The following AGTPBP1 variants were observed in gnomAD, a reference collection of about 807,000 sequenced individuals.
AGTPBP1 encodes cytosolic carboxypeptidase 1.
A neutral mutation model predicts 143.9 loss-of-function variants in AGTPBP1; 70 were observed. That is an observed-to-expected ratio of 0.49 (90% CI 0.40 to 0.59). The LOEUF (loss-of-function observed/expected upper bound fraction) is 0.59. Ranked by LOEUF, AGTPBP1 falls within the 20% of genes least tolerant of loss-of-function variation. AGTPBP1 has a pLI of 0.00. For synonymous variants in AGTPBP1, 463 were observed against 500.2 expected (o/e 0.93, Z 0.99); for missense variants, 1,229 against 1,464.5 (o/e 0.84, Z 2.62).
At chr9:85,654,669 C>A (rs911815388) in intron 11 of AGTPBP1, among the ~76,000 whole-genome samples, 1 of 151,772 alleles carries the variant, frequency 6.6e-6, no homozygotes, top group African/African-American at 2.4e-5. Context: ...ATGGCGAAAA[C>A]CCATCTCTAC....
intron 17 of AGTPBP1, 137 bp downstream of exon 17, chr9:85,618,843 CATA>C: frequency 1.1e-6 from 1 of 890,290 alleles, no homozygotes; most frequent in Non-Finnish European, 1.6e-6. Context: ...TCAAATGTTG[CATA>C]ATATCTGAAT....
At chr9:85,689,712 T>C (rs373170694) in intron 3 of AGTPBP1, among the ~76,000 whole-genome samples, 60 of 151,502 alleles carry the variant, frequency 4.0e-4, no homozygotes, top group African/African-American at 1.4e-3. Context: ...CTGGCCAACA[T>C]GGTGAAATTC....
At chr9:85,771,400 C>A in the AGTPBP1 span, among the ~76,000 whole-genome samples, 4 of 152,070 alleles carry the variant, frequency 2.6e-5, no homozygotes, top group African/African-American at 9.7e-5. Context: ...CACATGAGCC[C>A]AGCAATTTGA....
chr9:85,788,076 A>G, the AGTPBP1 span: 8 of 152,164 alleles, frequency 5.3e-5, no homozygotes, highest in Non-Finnish European at 7.3e-5. Flanking sequence ...AACTTATAAA[A>G]AGGAAAATAG....
intron 1 of AGTPBP1, among the ~76,000 whole-genome samples, chr9:85,717,744 T>C (rs1837807129): frequency 6.6e-6 from 1 of 151,696 alleles, no homozygotes; most frequent in Admixed American, 6.6e-5. Context: ...GTTTGTTCCA[T>C]AGGTATACAT....
intron 19 of AGTPBP1, among the ~76,000 whole-genome samples, chr9:85,591,663 T>C (rs553170855): frequency 1.3e-5 from 2 of 152,304 alleles, no homozygotes; most frequent in Non-Finnish European, 2.9e-5. Context: ...TGTACCTTTA[T>C]GGTAGGTTGT....
chr9:85,606,221 A>T (rs1302634843), intron 17 of AGTPBP1, among the ~76,000 whole-genome samples: 1 of 152,020 alleles, frequency 6.6e-6, no homozygotes, highest in Non-Finnish European at 1.5e-5. Context: ...TAATCATAAT[A>T]ATCTCATTAA....
chr9:85,628,776 C>T (rs1372849975), intron 14 of AGTPBP1, among the ~76,000 whole-genome samples: 3 of 152,102 alleles, frequency 2.0e-5, no homozygotes, highest in Non-Finnish European at 2.9e-5. Context: ...TGCGGTGGCA[C>T]GATCTCAGCT....
chr9:85,769,149 A>T, the AGTPBP1 span, among the ~76,000 whole-genome samples: 5 of 152,122 alleles, frequency 3.3e-5, no homozygotes, highest in Admixed American at 1.3e-4. Flanking sequence ...CCAAGGACAC[A>T]TGAAATTTTT....
At chr9:85,802,527 T>G in the AGTPBP1 span, among the ~76,000 whole-genome samples, 1 of 152,248 alleles carries the variant, frequency 6.6e-6, no homozygotes, top group Middle Eastern at 3.4e-3. Flanking sequence ...CTTTACCATG[T>G]TCTTTAGTCA....
chr9:85,572,877 G>C (rs1827602011), intron 25 of AGTPBP1, among the ~76,000 whole-genome samples: 1 of 152,126 alleles, frequency 6.6e-6, no homozygotes, highest in South Asian at 2.1e-4. Context: ...TCCAAGTAAT[G>C]TTTGTCACAC....
the AGTPBP1 span, among the ~76,000 whole-genome samples, chr9:85,778,263 A>G: frequency 6.6e-6 from 1 of 152,208 alleles, no homozygotes; most frequent in Non-Finnish European, 1.5e-5. Context: ...TTCAGGTCGC[A>G]TGGTGACTTG....
At chr9:85,785,971 T>C in the AGTPBP1 span, 1 of 640,402 alleles carries the variant, frequency 1.6e-6, no homozygotes. Flanking sequence ...AAATAAGTCA[T>C]TTAACAAAAA....
chr9:85,721,193 A>G (rs1838090955), intron 1 of AGTPBP1, among the ~76,000 whole-genome samples: 1 of 152,248 alleles, frequency 6.6e-6, no homozygotes, highest in African/African-American at 2.4e-5. Flanking sequence ...CACTTGGTCC[A>G]GAGCTGAGTT....
chr9:85,635,306 T>C (rs1808166599), intron 13 of AGTPBP1, among the ~76,000 whole-genome samples: 1 of 152,192 alleles, frequency 6.6e-6, no homozygotes, highest in Non-Finnish European at 1.5e-5. Flanking sequence ...GAATGTCCAC[T>C]GTATACAAAG....
intron 11 of AGTPBP1, among the ~76,000 whole-genome samples, chr9:85,653,053 C>A (rs1833267234): frequency 6.6e-6 from 1 of 152,110 alleles, no homozygotes; most frequent in South Asian, 2.1e-4. Context: ...CACATTCTAG[C>A]TGAGGAAGGT....
chr9:85,644,433 GAA>G (rs35208769), intron 12 of AGTPBP1, among the ~76,000 whole-genome samples: 8 of 133,116 alleles, frequency 6.0e-5, no homozygotes, highest in Non-Finnish European at 6.5e-5. Flanking sequence ...ATTTGGAGAG[GAA>G]AAAAAAAAAA....
chr9:85,798,958 C>T, the AGTPBP1 span, among the ~76,000 whole-genome samples: 1 of 152,136 alleles, frequency 6.6e-6, no homozygotes, highest in African/African-American at 2.4e-5. Flanking sequence ...ATCAACTCAT[C>T]ATTTACATTA....
rs1837448186 is a variant in AGTPBP1, at chr9:85,712,561, G to A, written c.-28C>T. On this transcript the variant is annotated 5_prime_UTR_variant, in exon 2 of 26. Coordinates refer to ENST00000357081, the MANE Select transcript of AGTPBP1 (RefSeq NM_001330701.2). ...TGAGTTACTTCATTTCATAATTGCA[G>A]ATAATCTAAAAGAAAAATGTTAATG... 1 of 1,431,618 alleles carries A rather than the reference G, an allele frequency of 7.0e-7. No individual in the cohort carries two copies. 88.7% of individuals were successfully genotyped at this position (1,431,618 alleles called of 1,614,324 possible).
Sources: gnomAD v4.1 joint callset for allele counts (sites outside exome capture counted in the v4.1 genomes callset) on GRCh38, gnomAD v4.1.1 for gene constraint, MANE v1.5 for transcripts, NCBI Gene and HGNC (gene_info 2026-07-23, HGNC 2026-07-21) for gene names.